The following TLK1 variants were observed in gnomAD, a reference collection of about 807,000 sequenced individuals.
The protein encoded by TLK1 is tousled like kinase 1.
A neutral mutation model predicts 105.3 loss-of-function variants in TLK1; 24 were observed. The observed-to-expected ratio is 0.23, with a 90% confidence interval of 0.17 to 0.32. The LOEUF is 0.32. Among genes scored for constraint, TLK1 ranks in the 10% least tolerant of loss-of-function variants. The pLI is 1.00. For synonymous variants in TLK1, 321 were observed against 310.4 expected (o/e 1.03, Z -0.36); for missense variants, 558 against 910.5 (o/e 0.61, Z 4.98).
intron 1 of TLK1, among the ~76,000 whole-genome samples, chr2:171,188,492 T>TA (rs1558984996): frequency 6.6e-6 from 1 of 151,970 alleles, no homozygotes; most frequent in Non-Finnish European, 1.5e-5. Flanking sequence ...GATCACAAGG[T>TA]CAGGAGTTCG....
intron 1 of TLK1, among the ~76,000 whole-genome samples, chr2:171,169,111 A>G (rs1692674680): frequency 6.6e-6 from 1 of 152,118 alleles, no homozygotes; most frequent in African/African-American, 2.4e-5. Context: ...TTGATCCACT[A>G]ATTTCATTCT....
intron 1 of TLK1, among the ~76,000 whole-genome samples, chr2:171,137,804 G>A (rs910426438): frequency 7.3e-5 from 11 of 151,040 alleles, no homozygotes; most frequent in Non-Finnish European, 1.5e-4. Flanking sequence ...AGCTGAGATC[G>A]CGCCACTGCA....
chr2:171,195,742 T>C (rs1221016143), intron 1 of TLK1, among the ~76,000 whole-genome samples: 1 of 151,952 alleles, frequency 6.6e-6, no homozygotes, highest in African/African-American at 2.4e-5. Context: ...TCTGTTGAGA[T>C]CCCAATGAGC....
chr2:170,997,374 G>C (rs1427149821), intron 19 of TLK1, among the ~76,000 whole-genome samples: 1 of 152,194 alleles, frequency 6.6e-6, no homozygotes, highest in Non-Finnish European at 1.5e-5. Context: ...AACTGTGTGT[G>C]TGGGTGGGGT....
intron 1 of TLK1, among the ~76,000 whole-genome samples, chr2:171,130,974 A>G (rs879049350): frequency 6.6e-6 from 1 of 151,856 alleles, no homozygotes; most frequent in Non-Finnish European, 1.5e-5. Flanking sequence ...ATCACCCCAA[A>G]ATCAAAATTT....
chr2:171,070,041 C>T (rs1239532746), intron 3 of TLK1, among the ~76,000 whole-genome samples: 1 of 152,144 alleles, frequency 6.6e-6, no homozygotes, highest in Non-Finnish European at 1.5e-5. Context: ...GGGTAGACAA[C>T]AGCTATTTAC....
chr2:171,224,036 T>C (rs187743531), intron 1 of TLK1, among the ~76,000 whole-genome samples: 99 of 152,312 alleles, frequency 6.5e-4, no homozygotes, highest in Middle Eastern at 3.4e-3. Context: ...CGACCAATGC[T>C]ATGGAGCATT....
intron 1 of TLK1, among the ~76,000 whole-genome samples, chr2:171,146,292 C>G (rs573740318): frequency 6.0e-5 from 9 of 148,834 alleles, no homozygotes; most frequent in Non-Finnish European, 1.2e-4. Flanking sequence ...CCACTATACT[C>G]CAGCCGGGAC....
chr2:171,066,123 T>C (rs1275744096), intron 3 of TLK1, among the ~76,000 whole-genome samples: 3 of 152,104 alleles, frequency 2.0e-5, no homozygotes, highest in Non-Finnish European at 2.9e-5. Flanking sequence ...TGCCCAAGAG[T>C]TAAAACTTTA....
intron 12 of TLK1, among the ~76,000 whole-genome samples, chr2:171,019,317 T>C (rs1685363627): frequency 6.6e-6 from 1 of 152,164 alleles, no homozygotes; most frequent in African/African-American, 2.4e-5. Flanking sequence ...AGGTTAAAAA[T>C]GATAGGTGGT....
intron 12 of TLK1, among the ~76,000 whole-genome samples, chr2:171,015,707 ACACACACACACACACACACACACACC>A (rs1201532010): frequency 0.027 from 893 of 32,630 alleles, 8 homozygotes; most frequent in Non-Finnish European, 0.079. Flanking sequence ...ACATATACAC[ACACACACACACACACACACACACACC>A]CACCCCTTTT....
At chr2:171,199,514 A>T (rs1377304640) in intron 1 of TLK1, among the ~76,000 whole-genome samples, 1 of 35,178 alleles carries the variant, frequency 2.8e-5, no homozygotes, top group East Asian at 0.05. Flanking sequence ...CCTGGTTAAA[A>T]AAAAAAAAAA....
chr2:171,050,021 G>T, intron 9 of TLK1, 43 bp downstream of exon 9: 1 of 1,608,594 alleles, frequency 6.2e-7, no homozygotes, highest in Non-Finnish European at 8.5e-7. Flanking sequence ...AGCAAAAGGG[G>T]CTAATGAAGG....
intron 18 of TLK1, among the ~76,000 whole-genome samples, chr2:171,003,577 G>A (rs374974224): frequency 1.3e-5 from 2 of 152,140 alleles, no homozygotes; most frequent in Non-Finnish European, 1.5e-5. Context: ...TGAGAATCAC[G>A]AGAGATTACT....
intron 2 of TLK1, among the ~76,000 whole-genome samples, chr2:171,093,327 G>C (rs1033380466): frequency 6.6e-6 from 1 of 152,170 alleles, no homozygotes; most frequent in Non-Finnish European, 1.5e-5. Flanking sequence ...AGGGACACAG[G>C]AGGTCCACCA....
chr2:171,155,833 A>G (rs922537167), intron 1 of TLK1: 1 of 152,134 alleles, frequency 6.6e-6, no homozygotes, highest in Non-Finnish European at 1.5e-5. Flanking sequence ...ACTGACCTCA[A>G]TGTCTTCCTA....
At chr2:171,116,636 G>C (rs1282612877) in intron 2 of TLK1, among the ~76,000 whole-genome samples, 1 of 151,528 alleles carries the variant, frequency 6.6e-6, no homozygotes, top group Non-Finnish European at 1.5e-5. Flanking sequence ...GGAGGCGGAG[G>C]TTGCAGTGAG....
At chr2:171,087,483 C>A (rs1317224187) in intron 2 of TLK1, among the ~76,000 whole-genome samples, 2 of 151,974 alleles carry the variant, frequency 1.3e-5, no homozygotes, top group African/African-American at 2.4e-5. Flanking sequence ...CTGTTGGACA[C>A]CATGAAGCAG....
At chr2:171,020,461 A>G (rs2105380986) in intron 12 of TLK1, among the ~76,000 whole-genome samples, 1 of 151,464 alleles carries the variant, frequency 6.6e-6, no homozygotes, top group East Asian at 1.9e-4. Context: ...AATCGCTTGA[A>G]CCCAGGAGTC....
Sources: allele counts gnomAD v4.1 joint callset (sites outside exome capture counted in the v4.1 genomes callset), GRCh38; gene constraint gnomAD v4.1.1; transcripts MANE v1.5; gene names NCBI Gene and HGNC (gene_info 2026-07-23, HGNC 2026-07-21).